The following SORCS1 variants were observed in gnomAD, a reference collection of about 807,000 sequenced individuals.
SORCS1 encodes the protein sortilin related VPS10 domain containing receptor 1, also known as VPS10 domain-containing receptor SorCS1.
SORCS1 carries 60 observed loss-of-function variants against 146.1 expected under a neutral mutation model. The observed-to-expected ratio is 0.41, with a 90% CI of 0.33 to 0.51. SORCS1 has a LOEUF of 0.51. Among genes scored for constraint, SORCS1 ranks in the 20% least tolerant of loss-of-function variants. The pLI, the probability that SORCS1 is intolerant of heterozygous loss-of-function variation, is 0.21. For synonymous variants in SORCS1, 637 were observed against 584.0 expected, an observed-to-expected ratio of 1.09 and a Z score of -1.31; for missense variants, 1,352 against 1,487.6, an observed-to-expected ratio of 0.91 and a Z score of 1.50.
chr10:106,977,779 G>C (rs1477463703), intron 1 of SORCS1, among the ~76,000 whole-genome samples: 1 of 152,040 alleles, frequency 6.6e-6, no homozygotes, highest in African/African-American at 2.4e-5. Flanking sequence ...ATTTGTGCTG[G>C]AATACCAGCA....
At chr10:106,661,647 T>A (rs939033710) in intron 17 of SORCS1, among the ~76,000 whole-genome samples, 8 of 152,248 alleles carry the variant, frequency 5.3e-5, no homozygotes, top group Non-Finnish European at 1.2e-4. Flanking sequence ...CAGTGTGACA[T>A]TTAATCAAAT....
chr10:106,897,223 C>T (rs948572346), intron 2 of SORCS1, among the ~76,000 whole-genome samples: 4 of 151,894 alleles, frequency 2.6e-5, no homozygotes, highest in African/African-American at 9.7e-5. Context: ...CTCTGTTGCC[C>T]AGGCTGGAGT....
In SORCS1 at chr10:106,688,177, A is replaced by G. The variant is rs779962110; in HGVS notation, c.1560+15T>C. ...TCTACTGTGTGAGGCATTCTGCTTC[A>G]ATAGGAAGACTCACCAGCAAGCAGT... On this transcript the variant is annotated intron_variant, in intron 10 of 25. Transcript: ENST00000263054. The G allele has an allele frequency of 8.1e-6, 13 of 1,610,810 alleles. No homozygotes were observed. The highest frequency in any genetic ancestry group is 1.1e-5 in the Non-Finnish European group (13 of 1,178,782).
intron 24 of SORCS1, among the ~76,000 whole-genome samples, chr10:106,582,331 T>C (rs1168601384): frequency 6.6e-6 from 1 of 152,180 alleles, no homozygotes; most frequent in Non-Finnish European, 1.5e-5. Context: ...AGTTCTAAAA[T>C]GTGTGTTATC....
intron 2 of SORCS1, among the ~76,000 whole-genome samples, chr10:106,861,077 C>T (rs1042358565): frequency 3.3e-5 from 5 of 152,110 alleles, no homozygotes; most frequent in African/African-American, 1.2e-4. Context: ...TGGCTGAAGA[C>T]GCAGTGTTAT....
chr10:107,091,903 A>G (rs2134314203), intron 1 of SORCS1, among the ~76,000 whole-genome samples: 1 of 152,314 alleles, frequency 6.6e-6, no homozygotes, highest in African/African-American at 2.4e-5. Context: ...TCACTCTCTG[A>G]TTATCCTGTC....
chr10:106,639,795 G>C (rs1436069877), intron 18 of SORCS1, among the ~76,000 whole-genome samples: 1 of 152,222 alleles, frequency 6.6e-6, no homozygotes, highest in South Asian at 2.1e-4. Context: ...ACTGATACCT[G>C]CCTCACGAGG....
intron 1 of SORCS1, among the ~76,000 whole-genome samples, chr10:107,153,333 T>C (rs1968990965): frequency 6.6e-6 from 1 of 152,192 alleles, no homozygotes; most frequent in African/African-American, 2.4e-5. Flanking sequence ...TGTGAATGTA[T>C]ACAGACATAT....
At chr10:106,671,515 C>A (rs551047595) in intron 15 of SORCS1, 148 bp from the exon 16 acceptor site, 3 of 1,059,314 alleles carry the variant, frequency 2.8e-6, no homozygotes, top group South Asian at 1.6e-5. Flanking sequence ...TTTCCTTTTG[C>A]GGTCTAGAGC....
chr10:107,045,503 A>G (rs958936652), intron 1 of SORCS1, among the ~76,000 whole-genome samples: 5 of 152,152 alleles, frequency 3.3e-5, no homozygotes, highest in African/African-American at 1.2e-4. Flanking sequence ...GTAGAGTGTT[A>G]CAGGGCATGG....
intron 17 of SORCS1, among the ~76,000 whole-genome samples, chr10:106,659,607 C>A (rs1381309734): frequency 2.0e-5 from 3 of 152,130 alleles, no homozygotes; most frequent in Non-Finnish European, 4.4e-5. Context: ...TATCCTTTTG[C>A]TTTTCACATA....
intron 1 of SORCS1, among the ~76,000 whole-genome samples, chr10:107,069,729 G>T (rs1458780896): frequency 2.0e-5 from 3 of 152,146 alleles, no homozygotes; most frequent in Non-Finnish European, 4.4e-5. Flanking sequence ...GTTTTTGTTT[G>T]AAAGAAGTAG....
intron 18 of SORCS1, among the ~76,000 whole-genome samples, chr10:106,640,726 T>C (rs897016315): frequency 3.3e-5 from 5 of 152,180 alleles, no homozygotes; most frequent in Non-Finnish European, 7.3e-5. Flanking sequence ...ATAGGCTCAT[T>C]AGGTTCTCAT....
intron 3 of SORCS1, among the ~76,000 whole-genome samples, chr10:106,788,851 G>A (rs1247352824): frequency 6.6e-6 from 1 of 152,228 alleles, no homozygotes; most frequent in Non-Finnish European, 1.5e-5. Context: ...AATAGGCAGT[G>A]CCCCAGTGGG....
intron 3 of SORCS1, among the ~76,000 whole-genome samples, chr10:106,804,113 G>A (rs1294491861): frequency 6.6e-6 from 1 of 152,088 alleles, no homozygotes; most frequent in Non-Finnish European, 1.5e-5. Flanking sequence ...ATTGATGGGA[G>A]AGAGTGAAAA....
intron 1 of SORCS1, among the ~76,000 whole-genome samples, chr10:107,024,173 CA>C (rs60404386): frequency 0.58 from 54,272 of 94,380 alleles, 14,132 homozygotes; most frequent in East Asian, 0.88. Flanking sequence ...GATTCCATCT[CA>C]AAAAAAAAAA....
chr10:106,929,504 CTT>C (rs1026698672), intron 2 of SORCS1, among the ~76,000 whole-genome samples: 6 of 152,194 alleles, frequency 3.9e-5, no homozygotes, highest in Non-Finnish European at 7.3e-5. Context: ...AGCCCTGTCT[CTT>C]TTCTTTTTCC....
chr10:106,618,015 C>T, intron 21 of SORCS1, 134 bp downstream of exon 21: 1 of 1,159,256 alleles, frequency 8.6e-7, no homozygotes, highest in African/African-American at 1.5e-5. Context: ...AGACTCGCCT[C>T]AGCTCTTTCT....
intron 1 of SORCS1, among the ~76,000 whole-genome samples, chr10:107,091,957 G>C (rs925988382): frequency 6.6e-6 from 1 of 152,072 alleles, no homozygotes; most frequent in African/African-American, 2.4e-5. Context: ...CAGAGTACAC[G>C]ACACTGCACA....
Sources: allele counts gnomAD v4.1 joint callset (sites outside exome capture counted in the v4.1 genomes callset), GRCh38; gene constraint gnomAD v4.1.1; transcripts MANE v1.5; gene names NCBI Gene and HGNC (gene_info 2026-07-23, HGNC 2026-07-21).